PAWR: variants seen among roughly 807,000 people sequenced by gnomAD.
PAWR encodes the protein PRKC apoptosis WT1 regulator protein.
PAWR carries 23 observed loss-of-function variants against 32.0 expected under a neutral mutation model. The ratio of observed to expected loss-of-function variants is 0.72; its 90% confidence interval spans 0.52 to 1.02. The LOEUF (loss-of-function observed/expected upper bound fraction) is 1.02. PAWR is among the 50% of genes least tolerant of loss of function. The probability of loss-of-function intolerance (pLI) is 0.00; values close to 1 mark genes in which losing one functional copy is unlikely to be tolerated. For missense variants in PAWR, 457 were observed against 437.7 expected, an observed-to-expected ratio of 1.04 and a Z score of -0.39; for synonymous variants, 226 against 187.1, an observed-to-expected ratio of 1.21 and a Z score of -1.70.
At chr12:79,599,353 G>C (rs1369314757) in intron 4 of PAWR, among the ~76,000 whole-genome samples, 2 of 152,160 alleles carry the variant, frequency 1.3e-5, no homozygotes, top group Non-Finnish European at 2.9e-5. Context: ...ACTATACTGT[G>C]AATTCAGCTG....
At position 79,673,878 on chromosome 12, in the gene PAWR, A is replaced by G. The variant is rs576844924; in HGVS notation, c.516+15851T>C. The stretch of plus-strand genomic sequence containing the variant: ...GAAAGATTTCTACAATGAGAATTAC[A>G]AAACACTGCTGAAAGAAATCAGAGA... On this transcript the variant is annotated intron_variant, in intron 2 of 6. Transcript: ENST00000328827. Among the ~76,000 whole-genome samples the G allele has an allele frequency of 3.3e-5, 5 of 152,308 alleles. No individual in the cohort carries two copies. The East Asian group carries it at 7.7e-4, about 23-fold the overall frequency.
At chr12:79,639,139 C>T (rs2136766564) in intron 2 of PAWR, among the ~76,000 whole-genome samples, 1 of 150,862 alleles carries the variant, frequency 6.6e-6, no homozygotes, top group African/African-American at 2.4e-5. Context: ...TCTCGAACAC[C>T]TGACCCCGTG....
intron 2 of PAWR, among the ~76,000 whole-genome samples, chr12:79,633,356 A>T (rs953127843): frequency 3.9e-5 from 6 of 152,156 alleles, no homozygotes; most frequent in Non-Finnish European, 8.8e-5. Flanking sequence ...TATTTCACCA[A>T]AGAAATGTCA....
At chr12:79,661,850 T>C (rs1877365372) in intron 2 of PAWR, among the ~76,000 whole-genome samples, 2 of 152,056 alleles carry the variant, frequency 1.3e-5, no homozygotes, top group South Asian at 2.1e-4. Flanking sequence ...GGAATTATAA[T>C]ATAGTAGGGT....
At chr12:79,620,448 G>GCA (rs1300160382) in intron 3 of PAWR, among the ~76,000 whole-genome samples, 1 of 152,118 alleles carries the variant, frequency 6.6e-6, no homozygotes, top group East Asian at 1.9e-4. Flanking sequence ...TGCTCACATA[G>GCA]CACAGCTCAC....
chr12:79,690,262 T>C lies in PAWR; in HGVS notation c.-18A>G, dbSNP rs930369692. 2 of 1,486,376 alleles carry C rather than the reference T, an allele frequency of 1.3e-6. No homozygotes were observed. The highest frequency in any genetic ancestry group is 1.8e-6 in the Non-Finnish European group (2 of 1,122,744). The allele number at this position is 1,486,376 out of a possible 1,614,324, so 92.1% of individuals were successfully genotyped here. On this transcript the variant is annotated 5_prime_UTR_variant, in exon 2 of 7. Transcript: ENST00000328827. ...GTCGCCATATTCCCAAAGGGGCCGGTCGGGCTCTCACCTCAGGCCGCCCAC... is the reference window on the plus strand; with the variant it reads ...GTCGCCATATTCCCAAAGGGGCCGGCCGGGCTCTCACCTCAGGCCGCCCAC...
chr12:79,598,982 G>A (rs970607570), intron 4 of PAWR, among the ~76,000 whole-genome samples: 3 of 152,156 alleles, frequency 2.0e-5, no homozygotes, highest in African/African-American at 7.2e-5. Flanking sequence ...TGATCCACCT[G>A]CCCCGGCCTC....
intron 4 of PAWR, among the ~76,000 whole-genome samples, chr12:79,602,405 T>C (rs900734996): frequency 7.2e-5 from 11 of 152,162 alleles, no homozygotes; most frequent in African/African-American, 2.7e-4. Context: ...ATCATTTTTA[T>C]AAAATATATT....
rs1873349168 is a variant in PAWR at position 79,585,022 on chromosome 12, G to A, written c.*7585C>T. On this transcript the variant is annotated 3_prime_UTR_variant, in exon 7 of 7. Transcript: ENST00000328827. Reference sequence around the variant, plus strand: ...AATGATTTTATTCCATAGTCTCTTGGACTTGAGAATCCATTTGAGTTTCAG... The same window carrying A: ...AATGATTTTATTCCATAGTCTCTTGAACTTGAGAATCCATTTGAGTTTCAG... 3.0e-6 allele frequency: 1 copy of A among 329,440 alleles called. No homozygotes were observed. Among genetic ancestry groups the A allele is most frequent in the Non-Finnish European group, 5.9e-6 (1 of 169,836 alleles). 20.4% of individuals were successfully genotyped at this position (329,440 alleles called of 1,614,324 possible).
intron 4 of PAWR, among the ~76,000 whole-genome samples, chr12:79,600,938 T>A (rs1040350400): frequency 6.6e-6 from 1 of 152,156 alleles, no homozygotes; most frequent in Non-Finnish European, 1.5e-5. Context: ...TTGGATGTGA[T>A]GATGACAAGT....
intron 2 of PAWR, among the ~76,000 whole-genome samples, chr12:79,634,631 T>C (rs1013637437): frequency 4.7e-5 from 7 of 150,466 alleles, no homozygotes; most frequent in Non-Finnish European, 8.8e-5. Flanking sequence ...ATGAAATCAA[T>C]TTACTGCATT....
chr12:79,624,330 G>A (rs8176853), intron 2 of PAWR, among the ~76,000 whole-genome samples: 1,947 of 152,058 alleles, frequency 0.013, 18 homozygotes, highest in Non-Finnish European at 0.018. Context: ...AAAGAAAAAA[G>A]AAAGGAAGAA....
At position 79,687,035 on chromosome 12, in the gene PAWR, A is replaced by T. The variant is rs945521648; in HGVS notation, c.516+2694T>A. On this transcript the variant is annotated intron_variant, in intron 2 of 6. Coordinates refer to ENST00000328827, the MANE Select transcript of PAWR (RefSeq NM_002583.4). ...ATAAACACACACAAAAATTACTGGC[A>T]AGAAGTATGCCACGTCCAAATTACC... Among the ~76,000 whole-genome samples the T allele has an allele frequency of 2.0e-5, 3 of 152,230 alleles. No individual in the cohort carries two copies. In the South Asian group the frequency reaches 6.2e-4, roughly 31 times the overall value.
Position 79,596,900 on chromosome 12 carries a change from T to C in PAWR, c.684-242A>G, listed in dbSNP as rs899469641. On this transcript the variant is annotated intron_variant, in intron 4 of 6. Transcript: ENST00000328827. ...GTTAAGTAACGAACACTGTTCTGGA[T>C]ACTGAAGACGTAACAGCAAACACAA... 3.0e-5 allele frequency: 12 copies of C among 395,648 alleles called. 1 individual carries two copies. The Middle Eastern group carries it at 2.6e-3, about 86-fold the overall frequency. The allele number at this position is 395,648 out of a possible 1,614,324, so 24.5% of individuals were successfully genotyped here. A position where few individuals can be genotyped will look rare whatever the true frequency, so the allele number is the denominator to read the frequency against.
chr12:79,636,973 T>C (rs955254904), intron 2 of PAWR, among the ~76,000 whole-genome samples: 2 of 152,126 alleles, frequency 1.3e-5, no homozygotes, highest in Non-Finnish European at 2.9e-5. Flanking sequence ...TATGACAACT[T>C]TTAAATTACG....
intron 4 of PAWR, chr12:79,604,343 C>A: frequency 9.9e-7 from 1 of 1,005,752 alleles, no homozygotes; most frequent in Non-Finnish European, 1.2e-6. Flanking sequence ...TGGAAGTTTT[C>A]CCCCTCTGGG....
At chr12:79,658,449 G>A (rs1277691596) in intron 2 of PAWR, among the ~76,000 whole-genome samples, 2 of 151,734 alleles carry the variant, frequency 1.3e-5, no homozygotes, top group Non-Finnish European at 2.9e-5. Context: ...TCCTCTTATC[G>A]GACAACCAAG....
At chr12:79,688,913 T>G (rs1315696894) in intron 2 of PAWR, among the ~76,000 whole-genome samples, 1 of 152,182 alleles carries the variant, frequency 6.6e-6, no homozygotes, top group Non-Finnish European at 1.5e-5. Context: ...TTGTTTCTGG[T>G]AGAGGGAGGT....
intron 4 of PAWR, chr12:79,603,547 T>G (rs367734602): frequency 1.5e-4 from 23 of 152,194 alleles, no homozygotes; most frequent in African/African-American, 5.5e-4. Flanking sequence ...TGTCCGTTAG[T>G]AATCGTGTAT....
Sources: allele counts gnomAD v4.1 joint callset (sites outside exome capture counted in the v4.1 genomes callset), GRCh38; gene constraint gnomAD v4.1.1; transcripts MANE v1.5; gene names NCBI Gene and HGNC (gene_info 2026-07-23, HGNC 2026-07-21).